RRP1B: variants seen among roughly 807,000 people sequenced by gnomAD.
The protein encoded by RRP1B is ribosomal RNA processing protein 1 homolog B.
A neutral mutation model predicts 80.2 loss-of-function variants in RRP1B; 56 were observed. The ratio of observed to expected loss-of-function variants is 0.70; its 90% CI spans 0.56 to 0.87. RRP1B has a LOEUF of 0.87. RRP1B is among the 40% of genes least tolerant of loss of function. RRP1B has a pLI of 0.00. For missense variants in RRP1B, 807 were observed against 939.8 expected (o/e 0.86, Z 1.85); for synonymous variants, 351 against 357.6 (o/e 0.98, Z 0.21).
chr21:43,684,836 C>G (rs566139922), intron 10 of RRP1B, among the ~76,000 whole-genome samples, 186 bp downstream of exon 10: 93 of 152,284 alleles, frequency 6.1e-4, no homozygotes, highest in African/African-American at 2.2e-3. Context: ...AGTCCCACCC[C>G]TCAGGTTCCA....
chr21:43,689,210 G>A (rs1160798781), intron 13 of RRP1B, among the ~76,000 whole-genome samples: 2 of 152,266 alleles, frequency 1.3e-5, no homozygotes, highest in African/African-American at 4.8e-5. Context: ...AGCGGCAGAG[G>A]GGAGTGGTAG....
chr21:43,690,357 GAC>G lies in RRP1B; in HGVS notation c.1939_1940del (p.Thr647ProfsTer71). The G allele has an allele frequency of 6.2e-7, 1 of 1,614,202 alleles. No homozygotes were observed. Among genetic ancestry groups the G allele is most frequent in the South Asian group, 1.1e-5 (1 of 91,084 alleles). On this transcript the variant is annotated frameshift_variant, in exon 14 of 16. Transcript: ENST00000340648. LOFTEE classifies it high-confidence loss of function. Reference sequence around the variant, plus strand: ...GGCAGAGAGCGACTTTGTGAAGTTTGACACCCCCTTCTTACCAAAGCCCCTGT... The same window carrying G: ...GGCAGAGAGCGACTTTGTGAAGTTTGACCCCCTTCTTACCAAAGCCCCTGT... ...LRAESDFVKFDTPFLPKPLFF... is the reference protein window; with the variant it reads ...LRAESDFVKFXTPFLPKPLFF...
intron 13 of RRP1B, 109 bp from the exon 14 acceptor site, chr21:43,690,179 G>C (rs1265498189): frequency 3.8e-6 from 5 of 1,315,732 alleles, no homozygotes; most frequent in Admixed American, 4.7e-5. Context: ...CGGGCCGTCG[G>C]GTGGGCTGGA....
chr21:43,667,676 GAAA>G (rs1041419713), intron 1 of RRP1B, among the ~76,000 whole-genome samples: 1 of 151,364 alleles, frequency 6.6e-6, no homozygotes, highest in Admixed American at 6.6e-5. Flanking sequence ...CTGTGGCCAA[GAAA>G]AAAAAAGTTA....
At chr21:43,670,679 T>A (rs1229544669) in intron 2 of RRP1B, among the ~76,000 whole-genome samples, 1 of 150,750 alleles carries the variant, frequency 6.6e-6, no homozygotes, top group Admixed American at 6.6e-5. Context: ...CTTATGAGAT[T>A]TTTTTTTTTA....
In RRP1B at chr21:43,688,257, C is replaced by T. The variant is rs893957592; in HGVS notation, c.1866+17C>T. On this transcript the variant is annotated intron_variant, in intron 13 of 15. Transcript: ENST00000340648. ...CAGGCTCTGGTAAGGTGGGAGCACC[C>T]ACAGGCCAGCTCGCCACAGAGGCAC... 5.3e-6 allele frequency: 8 copies of T among 1,512,964 alleles called. No homozygotes were observed. The highest frequency in any genetic ancestry group is 2.4e-5 in the East Asian group (1 of 41,432). 93.7% of individuals were successfully genotyped at this position (1,512,964 alleles called of 1,614,324 possible).
intron 1 of RRP1B, among the ~76,000 whole-genome samples, chr21:43,668,665 G>A (rs992017707): frequency 1.3e-5 from 2 of 152,048 alleles, no homozygotes; most frequent in African/African-American, 4.8e-5. Context: ...CACCGCGTCT[G>A]GCCCTTTTTG....
intron 15 of RRP1B, among the ~76,000 whole-genome samples, chr21:43,692,921 C>A (rs2083092901): frequency 6.6e-6 from 1 of 152,162 alleles, no homozygotes; most frequent in African/African-American, 2.4e-5. Context: ...GTTCACCCTT[C>A]CAGGAGCCAC....
intron 1 of RRP1B, among the ~76,000 whole-genome samples, chr21:43,668,876 G>A (rs1363491784): frequency 1.3e-5 from 2 of 152,082 alleles, no homozygotes; most frequent in African/African-American, 2.4e-5. Context: ...CCATAGGCTC[G>A]GAAACTCCAA....
intron 3 of RRP1B, among the ~76,000 whole-genome samples, chr21:43,673,657 A>G (rs1422452889): frequency 6.6e-6 from 1 of 151,332 alleles, no homozygotes; most frequent in East Asian, 1.9e-4. Flanking sequence ...AAAAAAAAGT[A>G]AAAGATCTGC....
At chr21:43,672,234 A>C in intron 2 of RRP1B, 74 bp from the exon 3 acceptor site, 1 of 1,331,326 alleles carries the variant, frequency 7.5e-7, no homozygotes, top group Non-Finnish European at 1.1e-6. Flanking sequence ...GGGAGAAGGA[A>C]GCAGGCCGCG....
In RRP1B at chr21:43,674,698, G is replaced by A; in HGVS notation, c.419+1G>A. ...TGAAGCGAAATGGCTGGGAAGAAAG[G>A]TCAGTAAACCATTTGAGTTAGCATG... On this transcript the variant is annotated splice_donor_variant, in intron 5 of 15. Transcript: ENST00000340648. LOFTEE classifies it high-confidence loss of function. 1 of 1,604,578 alleles carries A rather than the reference G, an allele frequency of 6.2e-7. No individual in the cohort carries two copies. The highest frequency in any genetic ancestry group is 2.3e-5 in the East Asian group (1 of 44,418).
chr21:43,691,135 A>G lies in RRP1B; in HGVS notation c.2020-304A>G, dbSNP rs1197175904. 6.6e-6 allele frequency among the ~76,000 whole-genome samples: 1 copy of G among 152,024 alleles called. No individual in the cohort carries two copies. The highest frequency in any genetic ancestry group is 1.9e-4 in the East Asian group (1 of 5,180). ...TTGCCTTTCTTCCCTGGATCGTAGA[A>G]CCCTGCAGCGGTAATGAGGCAGTGA... On this transcript the variant is annotated intron_variant, in intron 14 of 15. Coordinates refer to ENST00000340648, the MANE Select transcript of RRP1B (RefSeq NM_015056.3). This position sits in a 1 kb window ranked among gnomAD's most constrained non-coding sequence, Gnocchi z 4.2.
intron 9 of RRP1B, among the ~76,000 whole-genome samples, chr21:43,683,806 C>A (rs534134705): frequency 2.1e-4 from 32 of 152,088 alleles, no homozygotes; most frequent in African/African-American, 7.5e-4. Flanking sequence ...ACAGTGAAAC[C>A]CGTCTCTACT....
chr21:43,672,407 A>G (rs1313803850), intron 3 of RRP1B, 42 bp downstream of exon 3: 1 of 1,548,390 alleles, frequency 6.5e-7, no homozygotes, highest in Non-Finnish European at 8.9e-7. Context: ...AAGTTTTCCG[A>G]CTTGCTAGTT....
At chr21:43,690,244 T>C (rs1333611476) in intron 13 of RRP1B, 44 bp from the exon 14 acceptor site, 1 of 1,605,194 alleles carries the variant, frequency 6.2e-7, no homozygotes, top group Non-Finnish European at 8.5e-7. Context: ...CAGGAGGCTC[T>C]GTCGTCTGAC....
chr21:43,659,606 G>C lies in RRP1B; in HGVS notation c.-59G>C. 7.3e-7 allele frequency: 1 copy of C among 1,368,048 alleles called. No homozygotes were observed. Among genetic ancestry groups the C allele is most frequent in the Non-Finnish European group, 9.4e-7 (1 of 1,061,026 alleles). 84.7% of individuals were successfully genotyped at this position (1,368,048 alleles called of 1,614,324 possible). On this transcript the variant is annotated 5_prime_UTR_variant, in exon 1 of 16. Coordinates refer to ENST00000340648, the MANE Select transcript of RRP1B (RefSeq NM_015056.3). The surrounding 1 kb of genome is among the most constrained non-coding windows in gnomAD (Gnocchi z 4.2). The stretch of plus-strand genomic sequence containing the variant: ...GGACGGTGGCTGGCTGCTCCGCAGC[G>C]CTCGGCTGGCTGCAGCGGCACCGCG...
At chr21:43,689,036 A>G (rs2083075774) in intron 13 of RRP1B, among the ~76,000 whole-genome samples, 1 of 152,202 alleles carries the variant, frequency 6.6e-6, no homozygotes, top group Non-Finnish European at 1.5e-5. Flanking sequence ...TCGGCCTCCC[A>G]AAGTGCGGGA....
intron 1 of RRP1B, 55 bp from the exon 2 acceptor site, chr21:43,669,821 TTTCTAAAC>T: frequency 8.1e-7 from 1 of 1,231,470 alleles, no homozygotes; most frequent in Non-Finnish European, 1.2e-6. Flanking sequence ...ACTTCACCAC[TTTCTAAAC>T]TTGAAGAAAA....
Sources: allele counts gnomAD v4.1 joint callset (sites outside exome capture counted in the v4.1 genomes callset), GRCh38; gene constraint gnomAD v4.1.1; non-coding constraint Gnocchi (gnomAD v3.1); transcripts MANE v1.5; gene names NCBI Gene and HGNC (gene_info 2026-07-23, HGNC 2026-07-21).